The following C12orf60 variants were observed in gnomAD, a reference collection of about 807,000 sequenced individuals.
C12orf60 encodes the protein chromosome 12 open reading frame 60, also known as uncharacterized protein C12orf60.
For synonymous variants in C12orf60, 102 were observed against 94.6 expected (o/e 1.08, Z -0.45); for missense variants, 284 against 283.2 (o/e 1.00, Z -0.02).
At chr12:14,817,828 T>C (rs1950245319) in intron 1 of C12orf60, among the ~76,000 whole-genome samples, 1 of 152,112 alleles carries the variant, frequency 6.6e-6, no homozygotes, top group South Asian at 2.1e-4. Flanking sequence ...TGATTTATAA[T>C]CCTTTGGGTA....
intron 1 of C12orf60, among the ~76,000 whole-genome samples, chr12:14,808,997 G>A (rs1321187256): frequency 1.3e-5 from 2 of 152,118 alleles, no homozygotes; most frequent in Non-Finnish European, 1.5e-5. Flanking sequence ...TCCATTAAAC[G>A]TTTGTCTTTT....
At chr12:14,817,551 A>G (rs562199697) in intron 1 of C12orf60, among the ~76,000 whole-genome samples, 5 of 151,116 alleles carry the variant, frequency 3.3e-5, no homozygotes, top group East Asian at 3.9e-4. Flanking sequence ...TTATTGTTCA[A>G]CTCCCACTTA....
At chr12:14,818,488 A>G (rs1950257303) in intron 1 of C12orf60, among the ~76,000 whole-genome samples, 1 of 152,222 alleles carries the variant, frequency 6.6e-6, no homozygotes. Flanking sequence ...TTTGTTAAAA[A>G]TCAGTTGACC....
intron 1 of C12orf60, among the ~76,000 whole-genome samples, chr12:14,816,119 C>T (rs990600874): frequency 1.6e-4 from 24 of 152,072 alleles, no homozygotes; most frequent in African/African-American, 5.8e-4. Context: ...AGAACTGAAC[C>T]TTAGGAAGGA....
chr12:14,806,073 T>C lies in C12orf60; in HGVS notation c.-25+2322T>C, dbSNP rs927264482. ...ATGATTATATTTTTCTGAGGCTGATTTGAACTCCACCAGATGCTTCTCATA... is the reference window on the plus strand; with the variant it reads ...ATGATTATATTTTTCTGAGGCTGATCTGAACTCCACCAGATGCTTCTCATA... On this transcript the variant is annotated intron_variant, in intron 1 of 1. Transcript: ENST00000330828. The C allele has an allele frequency of 1.9e-6, 3 of 1,614,206 alleles. No homozygotes were observed. The highest frequency in any genetic ancestry group is 2.2e-5 in the East Asian group (1 of 44,882).
chr12:14,806,235 A>G (rs1950046930), intron 1 of C12orf60: 6 of 1,614,226 alleles, frequency 3.7e-6, no homozygotes, highest in Non-Finnish European at 5.1e-6. Flanking sequence ...TAACACAGTG[A>G]CCAACTTGTT....
intron 1 of C12orf60, among the ~76,000 whole-genome samples, chr12:14,814,749 G>T (rs71530930): frequency 0.031 from 4,646 of 152,144 alleles, 79 homozygotes; most frequent in Middle Eastern, 0.082. Flanking sequence ...TTCCCTGAAA[G>T]CTCAGATCAG....
chr12:14,815,927 G>A (rs1950208498), intron 1 of C12orf60, among the ~76,000 whole-genome samples: 1 of 152,138 alleles, frequency 6.6e-6, no homozygotes, highest in Admixed American at 6.5e-5. Flanking sequence ...CCAAAATTAA[G>A]GATAAACAGT....
chr12:14,822,365 C>G (rs1167272852), intron 1 of C12orf60, among the ~76,000 whole-genome samples: 1 of 151,890 alleles, frequency 6.6e-6, no homozygotes, highest in Non-Finnish European at 1.5e-5. Flanking sequence ...AACACACCCT[C>G]AAACAAAAAG....
chr12:14,819,550 A>AT (rs1950274112), intron 1 of C12orf60, among the ~76,000 whole-genome samples: 1 of 152,128 alleles, frequency 6.6e-6, no homozygotes, highest in Non-Finnish European at 1.5e-5. Context: ...CCAGTATGAT[A>AT]TTAAATAGAA....
At chr12:14,805,814 G>T in intron 1 of C12orf60, 1 of 651,792 alleles carries the variant, frequency 1.5e-6, no homozygotes, top group Non-Finnish European at 2.6e-6. Context: ...AGCATCAGCT[G>T]ATCCAGGCAT....
At chr12:14,805,980 T>G in intron 1 of C12orf60, 1 of 1,575,686 alleles carries the variant, frequency 6.3e-7, no homozygotes, top group African/African-American at 1.4e-5. Flanking sequence ...GAAAAACACT[T>G]CAGTGGCAAA....
At chr12:14,812,240 C>A (rs1487193553) in intron 1 of C12orf60, among the ~76,000 whole-genome samples, 1 of 151,988 alleles carries the variant, frequency 6.6e-6, no homozygotes, top group Non-Finnish European at 1.5e-5. Context: ...GTCAGGAGAT[C>A]GAAACCATCC....
At position 14,823,552 on chromosome 12, in the gene C12orf60, C is replaced by G. The variant is rs765494703; in HGVS notation, c.617C>G (p.Ser206Ter). Residue 206 changes from serine to a stop codon, truncating the protein, a stop_gained, in exon 2 of 2, where the codon TCA becomes TGA. Transcript: ENST00000330828. LOFTEE classifies it low-confidence loss of function (END_TRUNC). ...GAGGATTCCAAAAATCCCACAAAGT[C>G]AGCAGCAGATTTGTTGGAACAAATT... Reference protein sequence around the residue: ...KTEDSKNPTKSAADLLEQIVK... With the variant: ...KTEDSKNPTK 30 of 1,613,796 alleles carry G rather than the reference C, an allele frequency of 1.9e-5. No individual in the cohort carries two copies. The highest frequency in any genetic ancestry group is 2.2e-5 in the Non-Finnish European group (26 of 1,179,952).
rs369424819 is a variant in C12orf60, at chr12:14,805,996, C to T, written c.-25+2245C>T. On this transcript the variant is annotated intron_variant, in intron 1 of 1. Coordinates refer to ENST00000330828, the MANE Select transcript of C12orf60 (RefSeq NM_175874.4). Reference sequence around the variant, plus strand: ...AAAAACACTTCAGTGGCAAATAAAACGGCTGTTCATTTCATTTGGTGTTTC... The same window carrying T: ...AAAAACACTTCAGTGGCAAATAAAATGGCTGTTCATTTCATTTGGTGTTTC... 348 of 1,590,512 alleles carry T rather than the reference C, an allele frequency of 2.2e-4. 1 individual carries two copies. The African/African-American group carries it at 3.9e-3, about 18-fold the overall frequency.
At chr12:14,822,061 G>T (rs1016234408) in intron 1 of C12orf60, among the ~76,000 whole-genome samples, 4 of 139,368 alleles carry the variant, frequency 2.9e-5, no homozygotes, top group Non-Finnish European at 4.6e-5. Context: ...ACTTGTTAAC[G>T]CTCGAAGTCA....
At chr12:14,806,975 G>T (rs1056356461) in intron 1 of C12orf60, among the ~76,000 whole-genome samples, 6 of 152,140 alleles carry the variant, frequency 3.9e-5, no homozygotes, top group African/African-American at 1.4e-4. Flanking sequence ...GGGATTACAG[G>T]CATACACTGC....
intron 1 of C12orf60, among the ~76,000 whole-genome samples, chr12:14,819,546 T>C (rs1183760385): frequency 6.6e-6 from 1 of 152,274 alleles, no homozygotes; most frequent in South Asian, 2.1e-4. Context: ...ATTTCCAGTA[T>C]GATATTAAAT....
At chr12:14,811,381 T>C (rs1950133650) in intron 1 of C12orf60, among the ~76,000 whole-genome samples, 1 of 152,186 alleles carries the variant, frequency 6.6e-6, no homozygotes, top group Non-Finnish European at 1.5e-5. Context: ...GCTCTACACA[T>C]TTGGGCTCTG....
Sources: allele counts gnomAD v4.1 joint callset (sites outside exome capture counted in the v4.1 genomes callset), GRCh38; gene constraint gnomAD v4.1.1; transcripts MANE v1.5; gene names NCBI Gene and HGNC (gene_info 2026-07-23, HGNC 2026-07-21).